The following ABCB4 variants were observed in gnomAD, a reference collection of about 807,000 sequenced individuals.
The protein encoded by ABCB4 is ATP binding cassette subfamily B member 4.
Under a neutral mutation model 145.7 loss-of-function variants are expected in ABCB4, and 76 were observed. The ratio of observed to expected loss-of-function variants is 0.52; its 90% CI spans 0.43 to 0.63. The LOEUF is 0.63. Ranked by LOEUF, ABCB4 falls within the 30% of genes least tolerant of loss-of-function variation. ABCB4 has a pLI of 0.00. For synonymous variants in ABCB4, 517 were observed against 566.8 expected (o/e 0.91, Z 1.25); for missense variants, 1,234 against 1,553.1 (o/e 0.79, Z 3.45).
chr7:87,387,801 A>C, the ABCB4 span, among the ~76,000 whole-genome samples: 1 of 152,120 alleles, frequency 6.6e-6, no homozygotes, highest in South Asian at 2.1e-4. Flanking sequence ...AAAATACAAA[A>C]ATTAGCTGGG....
Position 87,419,991 on chromosome 7 carries a change from C to G in ABCB4, c.2394+7G>C. ...ATCAGAAGGCATTCTCCAGCGCACA[C>G]TCCTACCTGTCTTAGCATTGCTTTA... On this transcript the variant is annotated splice_region_variant and intron_variant, in intron 19 of 27. Coordinates refer to ENST00000649586, the MANE Select transcript of ABCB4 (RefSeq NM_000443.4). 1 of 1,613,724 alleles carries G rather than the reference C, an allele frequency of 6.2e-7. No individual in the cohort carries two copies. The highest frequency in any genetic ancestry group is 8.5e-7 in the Non-Finnish European group (1 of 1,179,634).
intron 3 of ABCB4, among the ~76,000 whole-genome samples, chr7:87,463,670 G>C (rs1168099737): frequency 1.3e-5 from 2 of 152,154 alleles, no homozygotes; most frequent in African/African-American, 4.8e-5. Flanking sequence ...TGGAATTCCT[G>C]AAGGGCACAG....
chr7:87,376,060 ACTTTTTCT>A, the ABCB4 span: 2 of 1,080,848 alleles, frequency 1.9e-6, no homozygotes, highest in Non-Finnish European at 2.6e-6. Context: ...GGCTCTTGAA[ACTTTTTCT>A]TAGTTATACA....
downstream of ABCB4, among the ~76,000 whole-genome samples, chr7:87,397,342 CTCTT>C (rs1807566054): frequency 1.2e-5 from 1 of 81,420 alleles, no homozygotes; most frequent in African/African-American, 5.3e-5. Flanking sequence ...CAGAGTGAGA[CTCTT>C]TCTCAAAAAA....
intron 16 of ABCB4, among the ~76,000 whole-genome samples, chr7:87,424,447 C>T (rs923506425): frequency 1.3e-5 from 2 of 152,268 alleles, no homozygotes; most frequent in South Asian, 4.1e-4. Context: ...TATTATGATA[C>T]AGTCCTGCCT....
Position 87,413,643 on chromosome 7 carries a change from A to T in ABCB4, c.2757T>A (p.Tyr919Ter). 1 of 1,611,360 alleles carries T rather than the reference A, an allele frequency of 6.2e-7. No individual in the cohort carries two copies. Among genetic ancestry groups the T allele is most frequent in the Non-Finnish European group, 8.5e-7 (1 of 1,178,332 alleles). ...TGTAAGGTCCATACAATTTTTCAAC[A>T]TACATTGATTCAAATTTTCTTTCCT... ...LTQERKFESM[Y>*]VEKLYGPYRN... is the part of the protein sequence containing the mutation. Residue 919 changes from tyrosine (Y) to a stop codon, truncating the protein, a stop_gained, in exon 22 of 28, where the codon TAT becomes TAA. Coordinates refer to ENST00000649586, the MANE Select transcript of ABCB4 (RefSeq NM_000443.4). LOFTEE classifies it high-confidence loss of function.
In ABCB4 at chr7:87,406,341, C is replaced by A. The variant is rs1308338139; in HGVS notation, c.3433G>T (p.Val1145Leu). Residue 1145 changes from valine (V) to leucine (L), a missense_variant, in exon 26 of 28, where the codon GTG becomes TTG. Physicochemically the swap from Val to Leu is conservative, Grantham distance 32 (BLOSUM62 1). Around this residue, in one of 7 missense-constraint regions of ABCB4, gnomAD observed 301 missense variants for 389.0 expected, o/e 0.77. Transcript: ENST00000649586. ...NSRVVSQDEI[V>L]SAAKAANIHP... ...ATGTTGGCAGCTTTGGCTGCACTCA[C>A]AATTTCATCCTGTGATACAACCCGG... 1.2e-6 allele frequency: 2 copies of A among 1,613,966 alleles called. No individual in the cohort carries two copies. The highest frequency in any genetic ancestry group is 1.6e-4 in the Middle Eastern group (1 of 6,084).
In ABCB4 at chr7:87,449,949, G is replaced by C; in HGVS notation, c.833+19C>G. The C allele has an allele frequency of 6.2e-7, 1 of 1,614,070 alleles. No individual in the cohort carries two copies. Among genetic ancestry groups the C allele is most frequent in the Non-Finnish European group, 8.5e-7 (1 of 1,179,964 alleles). On this transcript the variant is annotated intron_variant, in intron 8 of 27. Coordinates refer to ENST00000649586, the MANE Select transcript of ABCB4 (RefSeq NM_000443.4). ...TAAAAACACATTCCTTAAACCAGTG[G>C]CTAAAGAACCTTCCTGACCTTTCCA...
the ABCB4 span, among the ~76,000 whole-genome samples, chr7:87,389,578 AT>A: frequency 6.6e-6 from 1 of 151,772 alleles, no homozygotes; most frequent in Non-Finnish European, 1.5e-5. Context: ...AACAATGAGA[AT>A]ACATGGACAC....
At chr7:87,436,479 G>A (rs1023828660) in intron 14 of ABCB4, among the ~76,000 whole-genome samples, 2 of 152,124 alleles carry the variant, frequency 1.3e-5, no homozygotes, top group African/African-American at 4.8e-5. Context: ...AACTCACAAA[G>A]TCTTTAAGAC....
downstream of ABCB4, chr7:87,399,020 GT>G (rs1339151722): frequency 5.5e-6 from 1 of 183,276 alleles, no homozygotes; most frequent in African/African-American, 2.4e-5. Context: ...TCAATGTAGA[GT>G]CCATCTTTCA....
chr7:87,390,090 A>G, the ABCB4 span, among the ~76,000 whole-genome samples: 4 of 152,196 alleles, frequency 2.6e-5, no homozygotes, highest in Admixed American at 1.3e-4. Flanking sequence ...TCCTGATTGT[A>G]TTCCCATGGT....
At chr7:87,469,949 T>A (rs113656645) in intron 3 of ABCB4, among the ~76,000 whole-genome samples, 1 of 152,146 alleles carries the variant, frequency 6.6e-6, no homozygotes, top group Non-Finnish European at 1.5e-5. Context: ...GGAGGCATCA[T>A]GCTACCTGAC....
chr7:87,410,553 T>G (rs1186271357), intron 23 of ABCB4, among the ~76,000 whole-genome samples: 2 of 152,214 alleles, frequency 1.3e-5, no homozygotes, highest in Non-Finnish European at 2.9e-5. Flanking sequence ...AGGAATAATG[T>G]GACTTTCCAA....
In ABCB4 at chr7:87,403,182, G is replaced by A. The variant is rs760018573; in HGVS notation, c.3586C>T (p.Leu1196Phe). Reference sequence around the variant, plus strand: ...GCTGATGTAGCTTCATCCAACAGGAGGATTTGAGGTTGTCTGATGAGGGCT... The same window carrying A: ...GCTGATGTAGCTTCATCCAACAGGAAGATTTGAGGTTGTCTGATGAGGGCT... The part of the protein sequence containing the change: ...ARALIRQPQI[L>F]LLDEATSALD... Residue 1196 changes from leucine (L) to phenylalanine (F), a missense_variant, in exon 27 of 28, where the codon CTC becomes TTC. Transcript: ENST00000649586. The A allele has an allele frequency of 3.1e-6, 5 of 1,613,878 alleles. No homozygotes were observed. The South Asian group carries it at 3.3e-5, about 11-fold the overall frequency.
At chr7:87,439,380 G>C (rs1810819274) in intron 14 of ABCB4, among the ~76,000 whole-genome samples, 1 of 152,030 alleles carries the variant, frequency 6.6e-6, no homozygotes, top group African/African-American at 2.4e-5. Context: ...GACTACTTTT[G>C]GTCAAAAGTA....
chr7:87,391,700 T>A, the ABCB4 span: 1 of 1,608,696 alleles, frequency 6.2e-7, no homozygotes, highest in South Asian at 1.1e-5. Context: ...CCATGCAGGA[T>A]CCTTCTGTCA....
intron 6 of ABCB4, 109 bp downstream of exon 6, chr7:87,452,835 A>T (rs978389834): frequency 8.1e-7 from 1 of 1,236,896 alleles, no homozygotes. Flanking sequence ...TTTCTAATAT[A>T]GATCAGATGC....
At chr7:87,429,848 G>A (rs31670) in intron 15 of ABCB4, among the ~76,000 whole-genome samples, 102,598 of 150,966 alleles carry the variant, frequency 0.68, 36,890 homozygotes, top group Non-Finnish European at 0.79. Flanking sequence ...TTTCATTTGG[G>A]GGAATTTGCA....
Sources: gnomAD v4.1 joint callset for allele counts (sites outside exome capture counted in the v4.1 genomes callset) on GRCh38, gnomAD v4.1.1 for gene constraint, gnomAD v4.1.1 regional missense constraint, MANE v1.5 for transcripts, NCBI Gene and HGNC (gene_info 2026-07-23, HGNC 2026-07-21) for gene names.